TAF1B: variants seen among roughly 807,000 people sequenced by gnomAD.
TAF1B encodes TATA box-binding protein-associated factor RNA polymerase I subunit B.
In TAF1B, 61 loss-of-function variants were observed where a neutral mutation model predicts 83.9. That is an observed-to-expected ratio of 0.73 (90% CI 0.59 to 0.90). TAF1B has a LOEUF of 0.90. TAF1B is among the 40% of genes least tolerant of loss of function. The pLI is 0.00. For synonymous variants in TAF1B, 221 were observed against 224.6 expected, an observed-to-expected ratio of 0.98 and a Z score of 0.14; for missense variants, 625 against 677.0, an observed-to-expected ratio of 0.92 and a Z score of 0.85.
At chr2:9,867,591 G>C (rs1664028368) in intron 5 of TAF1B, among the ~76,000 whole-genome samples, 2 of 152,150 alleles carry the variant, frequency 1.3e-5, no homozygotes, top group African/African-American at 2.4e-5. Flanking sequence ...TGGCCTGCAG[G>C]GTTGAAATCA....
At chr2:9,846,105 C>T (rs1488616259) in intron 2 of TAF1B, 1 of 470,896 alleles carries the variant, frequency 2.1e-6, no homozygotes, top group African/African-American at 2.0e-5. Flanking sequence ...ATTTCCTCCT[C>T]ATCACTAACT....
intron 9 of TAF1B, among the ~76,000 whole-genome samples, chr2:9,907,762 C>T (rs978127377): frequency 6.6e-6 from 1 of 152,034 alleles, no homozygotes; most frequent in Non-Finnish European, 1.5e-5. Context: ...TATATAAATT[C>T]TCTTCTTTGT....
chr2:9,882,724 T>C lies in TAF1B; in HGVS notation c.726T>C (p.His242=), dbSNP rs1055379031. The C allele has an allele frequency of 6.2e-7, 1 of 1,610,758 alleles. No individual in the cohort carries two copies. The highest frequency in any genetic ancestry group is 8.5e-7 in the Non-Finnish European group (1 of 1,178,528). Residue 242 remains histidine, a synonymous_variant, in exon 8 of 15, where the codon CAT becomes CAC. Transcript: ENST00000263663. ...SDLLRFVEED[H]IPYINAFQHF... ...AATACAGGTTTGTTGAAGAGGACCA[T>C]ATTCCTTACATAAATGCTTTTCAGC...
chr2:9,892,409 C>T (rs1572256999), intron 8 of TAF1B, among the ~76,000 whole-genome samples: 3 of 152,166 alleles, frequency 2.0e-5, no homozygotes, highest in Admixed American at 2.0e-4. Context: ...CTCTGCTGTG[C>T]GGTAGATCTC....
intron 7 of TAF1B, among the ~76,000 whole-genome samples, chr2:9,878,610 A>G (rs1253460560): frequency 6.6e-6 from 1 of 152,172 alleles, no homozygotes; most frequent in Non-Finnish European, 1.5e-5. Context: ...CTGCCTACCT[A>G]GCAATAATGG....
intron 14 of TAF1B, among the ~76,000 whole-genome samples, chr2:9,931,104 G>T (rs1277365876): frequency 6.6e-6 from 1 of 152,106 alleles, no homozygotes; most frequent in African/African-American, 2.4e-5. Flanking sequence ...ACACTGATGG[G>T]TCTTGACTCT....
At chr2:9,930,467 G>C (rs1299613948) in intron 14 of TAF1B, among the ~76,000 whole-genome samples, 1 of 152,176 alleles carries the variant, frequency 6.6e-6, no homozygotes, top group East Asian at 1.9e-4. Context: ...CCAAGTAGTT[G>C]TGCGGTTTTG....
Position 9,856,316 on chromosome 2 carries a change from A to AT in TAF1B, c.399+1895_399+1896insT, listed in dbSNP as rs1663565961. Among the ~76,000 whole-genome samples, 5 of 152,048 alleles carry AT rather than the reference A, an allele frequency of 3.3e-5. No individual in the cohort carries two copies. The South Asian group carries it at 1.0e-3, about 32-fold the overall frequency. On this transcript the variant is annotated intron_variant, in intron 5 of 14. Transcript: ENST00000263663. The stretch of plus-strand genomic sequence containing the variant: ...GAGAAAGCTAACTGAAAAAAAAAAA[A>AT]GGCAGGGGAATAACCTGAGGGGTTC...
chr2:9,915,185 AT>A (rs972292011), intron 12 of TAF1B, among the ~76,000 whole-genome samples: 4 of 152,228 alleles, frequency 2.6e-5, no homozygotes, highest in African/African-American at 9.6e-5. Context: ...GTATAGTGAT[AT>A]CTCATTATGG....
intron 7 of TAF1B, among the ~76,000 whole-genome samples, chr2:9,880,146 A>G (rs1664453970): frequency 6.6e-6 from 1 of 152,220 alleles, no homozygotes; most frequent in Non-Finnish European, 1.5e-5. Flanking sequence ...ACAGGTAGAC[A>G]CGACTTAATT....
At chr2:9,920,695 C>A (rs1036394781) in intron 14 of TAF1B, among the ~76,000 whole-genome samples, 5 of 152,142 alleles carry the variant, frequency 3.3e-5, no homozygotes, top group Non-Finnish European at 7.3e-5. Flanking sequence ...AATAAAAAAT[C>A]TGCAGGGAGA....
chr2:9,850,025 ATATGTGTG>A lies in TAF1B; in HGVS notation c.205+567_205+574del, dbSNP rs1231431901. 5.0e-4 allele frequency among the ~76,000 whole-genome samples: 60 copies of A among 119,062 alleles called. 1 individual carries two copies. Among genetic ancestry groups the A allele is most frequent in the Middle Eastern group, 4.1e-3 (1 of 242 alleles). 78.1% of individuals were successfully genotyped at this position (119,062 alleles called of 152,430 possible). Reference sequence around the variant, plus strand: ...CACACACATTAAAAAATATATATATATATGTGTGTGTGTGTGTGTGTGTGTGTGTGTTT... The same window carrying A: ...CACACACATTAAAAAATATATATATATGTGTGTGTGTGTGTGTGTGTGTTT... On this transcript the variant is annotated intron_variant, in intron 3 of 14. Coordinates refer to ENST00000263663, the MANE Select transcript of TAF1B (RefSeq NM_005680.3).
chr2:9,889,865 G>A (rs946270823), intron 8 of TAF1B, among the ~76,000 whole-genome samples: 2 of 152,126 alleles, frequency 1.3e-5, no homozygotes, highest in African/African-American at 4.8e-5. Flanking sequence ...CTGGTATTAC[G>A]AAGTCTCTGC....
intron 14 of TAF1B, among the ~76,000 whole-genome samples, chr2:9,926,265 CT>C: frequency 6.6e-6 from 1 of 152,266 alleles, no homozygotes; most frequent in East Asian, 1.9e-4. Context: ...AGATTTTTCC[CT>C]ATTGTCATAA....
intron 13 of TAF1B, 33 bp downstream of exon 13, chr2:9,919,144 AG>A: frequency 6.5e-7 from 1 of 1,548,068 alleles, no homozygotes; most frequent in Non-Finnish European, 8.9e-7. Flanking sequence ...AATACCAAGT[AG>A]CAACACAGTT....
chr2:9,870,130 A>G (rs77314332), intron 6 of TAF1B, among the ~76,000 whole-genome samples: 7,300 of 152,152 alleles, frequency 0.048, 203 homozygotes, highest in Non-Finnish European at 0.067. Context: ...TTAAATCAAA[A>G]CTCTACAAAT....
At chr2:9,851,917 T>C (rs1341983348) in intron 4 of TAF1B, 1 of 566,362 alleles carries the variant, frequency 1.8e-6, no homozygotes, top group Middle Eastern at 3.4e-4. Flanking sequence ...CAAATAACTT[T>C]GGGGGTTTAT....
chr2:9,878,801 G>A (rs1042759053), intron 7 of TAF1B, among the ~76,000 whole-genome samples: 1 of 152,194 alleles, frequency 6.6e-6, no homozygotes, highest in Non-Finnish European at 1.5e-5. Context: ...CATACATATG[G>A]TTGGTGCAAA....
chr2:9,875,833 G>C, intron 6 of TAF1B, 32 bp from the exon 7 acceptor site: 1 of 1,543,622 alleles, frequency 6.5e-7, no homozygotes, highest in Non-Finnish European at 8.8e-7. Flanking sequence ...ATAGTTCACT[G>C]GATTTTTAAA....
Sources: allele counts gnomAD v4.1 joint callset (sites outside exome capture counted in the v4.1 genomes callset), GRCh38; gene constraint gnomAD v4.1.1; transcripts MANE v1.5; gene names NCBI Gene and HGNC (gene_info 2026-07-23, HGNC 2026-07-21).